The following PLCH2 variants were observed in gnomAD, a reference collection of about 807,000 sequenced individuals.
The protein encoded by PLCH2 is phospholipase C eta 2.
Under a neutral mutation model 134.7 loss-of-function variants are expected in PLCH2, and 98 were observed. That is an observed-to-expected ratio of 0.73 (90% confidence interval 0.62 to 0.86). PLCH2 has a LOEUF of 0.86. PLCH2 is among the 40% of genes least tolerant of loss of function. The pLI is 0.00. For missense variants in PLCH2, 1,994 were observed against 1,986.6 expected (o/e 1.00, Z -0.07); for synonymous variants, 974 against 827.5 (o/e 1.18, Z -3.04).
At position 2,439,130 on chromosome 1, in the gene PLCH2, G is replaced by A. The variant is rs1639571524; in HGVS notation, c.115+8501G>A. The stretch of plus-strand genomic sequence containing the variant: ...TTTCAAGGCAGGATACCATGTCTCT[G>A]GGGACCCTGGGCAGGTGCCTTTCTC... On this transcript the variant is annotated intron_variant, in intron 2 of 3. Coordinates refer to the PLCH2 transcript ENST00000609981. This position sits in a 1 kb window ranked among gnomAD's most constrained non-coding sequence, Gnocchi z 4.7. Among the ~76,000 whole-genome samples the A allele has an allele frequency of 6.6e-6, 1 of 152,208 alleles. No homozygotes were observed. The highest frequency in any genetic ancestry group is 6.5e-5 in the Admixed American group (1 of 15,292).
At chr1:2,443,637 T>C (rs1429833390) in intron 2 of PLCH2, among the ~76,000 whole-genome samples, 1 of 149,886 alleles carries the variant, frequency 6.7e-6, no homozygotes, top group Non-Finnish European at 1.5e-5. Flanking sequence ...CTCGCCCGGT[T>C]GCGCCCGATC....
intron 2 of PLCH2, among the ~76,000 whole-genome samples, chr1:2,453,890 C>T (rs1304215580): frequency 2.6e-5 from 4 of 152,104 alleles, no homozygotes; most frequent in Admixed American, 6.5e-5. Flanking sequence ...GCTGGAGGGG[C>T]CTGGCCTGCG....
chr1:2,502,338 T>C lies in PLCH2; in HGVS notation c.2888T>C (p.Val963Ala). Residue 963 changes from valine (V) to alanine (A), a missense_variant, in exon 21 of 22, where the codon GTG (valine) becomes GCG (alanine). Physicochemically the swap from Val to Ala is moderately conservative, Grantham distance 64. Coordinates refer to ENST00000378486, the MANE Select transcript of PLCH2 (RefSeq NM_014638.4). ...DTGSKGVADDVVPPGPGPAPE... is the reference protein window; with the variant it reads ...DTGSKGVADDAVPPGPGPAPE... Reference sequence around the variant, plus strand: ...GGCTCCAAGGGGGTGGCAGACGATGTGGTGCCCCCCGGGCCCGGACCTGCT... The same window carrying C: ...GGCTCCAAGGGGGTGGCAGACGATGCGGTGCCCCCCGGGCCCGGACCTGCT... The C allele has an allele frequency of 1.3e-6, 2 of 1,536,084 alleles. No individual in the cohort carries two copies. Among genetic ancestry groups the C allele is most frequent in the South Asian group, 2.4e-5 (2 of 82,438 alleles).
At chr1:2,458,972 C>T (rs1046829601) in intron 2 of PLCH2, among the ~76,000 whole-genome samples, 16 of 151,866 alleles carry the variant, frequency 1.1e-4, no homozygotes, top group African/African-American at 3.2e-4. Context: ...TGGGCCACGC[C>T]GGTCTTGCAG....
intron 2 of PLCH2, among the ~76,000 whole-genome samples, chr1:2,443,595 A>AGCCCCGGCGTGC (rs1553240682): frequency 2.4e-4 from 36 of 150,382 alleles, no homozygotes; most frequent in Non-Finnish European, 5.1e-4. Flanking sequence ...CGGGCCGGCT[A>AGCCCCGGCGTGC]GCCCCGCGCC....
At chr1:2,437,480 AG>A (rs932855049) in intron 2 of PLCH2, among the ~76,000 whole-genome samples, 3 of 152,048 alleles carry the variant, frequency 2.0e-5, no homozygotes, top group Non-Finnish European at 4.4e-5. Flanking sequence ...CACCGCAACT[AG>A]GGGGCCCAGA....
At chr1:2,435,800 C>G (rs1298155300) in intron 2 of PLCH2, among the ~76,000 whole-genome samples, 1 of 142,742 alleles carries the variant, frequency 7.0e-6, no homozygotes, top group Non-Finnish European at 1.5e-5. Context: ...TCAGCTCAGT[C>G]TGGAGTGAGC....
In PLCH2 at chr1:2,486,999, TG is replaced by T; in HGVS notation, c.910+1del. ...NKSKGLLGIDGFTNYTRSPAG... is the reference protein window; with the variant it reads ...NKSKGLLGIDXFTNYTRSPAG... ...AGAGTAAGGGGCTGCTGGGCATTGATGGTGAGTGGGGCGCTGCCCTCAGCCC... is the reference window on the plus strand; with the variant it reads ...AGAGTAAGGGGCTGCTGGGCATTGATGTGAGTGGGGCGCTGCCCTCAGCCC... On this transcript the variant is annotated frameshift_variant and splice_region_variant, in exon 6 of 22. Coordinates refer to ENST00000378486, the MANE Select transcript of PLCH2 (RefSeq NM_014638.4). LOFTEE classifies it high-confidence loss of function. The T allele has an allele frequency of 6.3e-7, 1 of 1,593,536 alleles. No homozygotes were observed. The highest frequency in any genetic ancestry group is 8.5e-7 in the Non-Finnish European group (1 of 1,170,586).
upstream of PLCH2, among the ~76,000 whole-genome samples, chr1:2,466,909 C>T (rs558162669): frequency 2.6e-5 from 4 of 152,256 alleles, no homozygotes; most frequent in Non-Finnish European, 5.9e-5. Context: ...CAGCCGTCAC[C>T]GTCACCATCA....
At chr1:2,425,529 C>A (rs1298755528), upstream of PLCH2, among the ~76,000 whole-genome samples, 1 of 152,098 alleles carries the variant, frequency 6.6e-6, no homozygotes, top group Non-Finnish European at 1.5e-5. Context: ...AGGTGGCAGG[C>A]TTTAGACAGG....
rs1299683267 is a variant in PLCH2, at chr1:2,483,854, T to TG, written c.646-590dup. Among the ~76,000 whole-genome samples the TG allele has an allele frequency of 7.4e-5, 8 of 108,766 alleles. 1 individual carries two copies. Among genetic ancestry groups the TG allele is most frequent in the South Asian group, 6.3e-4 (2 of 3,176 alleles). The allele number at this position is 108,766 out of a possible 152,430, so 71.4% of individuals were successfully genotyped here. A position where few individuals can be genotyped will look rare whatever the true frequency, so the allele number is the denominator to read the frequency against. ...TGTGGGGGTGGCGCTGACCCCCGTG[T>TG]GGGGTGGCGCTGACCCCCGTGTGGG... On this transcript the variant is annotated intron_variant, in intron 4 of 21. Coordinates refer to ENST00000378486, the MANE Select transcript of PLCH2 (RefSeq NM_014638.4).
chr1:2,427,192 C>T (rs1638839221), intron 1 of PLCH2, among the ~76,000 whole-genome samples: 2 of 152,170 alleles, frequency 1.3e-5, no homozygotes, highest in Admixed American at 1.3e-4. Context: ...GGCTAGGGGC[C>T]CACCGGGTGG....
At chr1:2,478,353 C>A in intron 1 of PLCH2, 123 bp from the exon 2 acceptor site, 1 of 1,222,028 alleles carries the variant, frequency 8.2e-7, no homozygotes, top group Non-Finnish European at 1.2e-6. Context: ...TGAGGAGTGG[C>A]CGTGCCTCCG....
chr1:2,472,410 A>T (rs1337187779), upstream of PLCH2, among the ~76,000 whole-genome samples: 2 of 152,180 alleles, frequency 1.3e-5, no homozygotes, highest in African/African-American at 4.8e-5. Context: ...CCTTGGGGGC[A>T]GCACGGGAGG....
In PLCH2 at chr1:2,504,475, C is replaced by A; in HGVS notation, c.3513C>A (p.Asn1171Lys). ...PSLGLGRSRE[N>K]LAGAHMGRLP... ...TGGGCCTGGGCCGCAGCCGTGAGAACCTCGCTGGAGCCCACATGGGACGCC... is the reference window on the plus strand; with the variant it reads ...TGGGCCTGGGCCGCAGCCGTGAGAAACTCGCTGGAGCCCACATGGGACGCC... The change falls in exon 22 of 22, where the codon AAC becomes AAA. Residue 1171 changes from asparagine (N) to lysine (K), a missense_variant. Asn to Lys is a moderately conservative substitution (Grantham distance 94). This residue lies in a region of PLCH2 where 900 missense variants were observed against 752.3 expected (regional missense o/e 1.20). Coordinates refer to ENST00000378486, the MANE Select transcript of PLCH2 (RefSeq NM_014638.4). 6.2e-7 allele frequency: 1 copy of A among 1,612,432 alleles called. No individual in the cohort carries two copies. The highest frequency in any genetic ancestry group is 8.5e-7 in the Non-Finnish European group (1 of 1,179,718).
At chr1:2,482,270 T>A (rs1161340340) in intron 4 of PLCH2, among the ~76,000 whole-genome samples, 1 of 152,226 alleles carries the variant, frequency 6.6e-6, no homozygotes, top group East Asian at 1.9e-4. Context: ...GGGGGCCGCA[T>A]CTCTGCCCAG....
upstream of PLCH2, among the ~76,000 whole-genome samples, chr1:2,464,803 G>C (rs1438325567): frequency 6.6e-6 from 1 of 152,234 alleles, no homozygotes; most frequent in Non-Finnish European, 1.5e-5. Context: ...ATGAGATGGA[G>C]ACACTGCGGA....
At chr1:2,455,364 C>T (rs1640439585) in intron 2 of PLCH2, among the ~76,000 whole-genome samples, 1 of 152,178 alleles carries the variant, frequency 6.6e-6, no homozygotes, top group Non-Finnish European at 1.5e-5. Flanking sequence ...CTCGGCCCTG[C>T]CAGGCCCCCT....
chr1:2,490,153 G>A (rs932124164), intron 10 of PLCH2, among the ~76,000 whole-genome samples: 4 of 152,086 alleles, frequency 2.6e-5, no homozygotes, highest in Non-Finnish European at 2.9e-5. Context: ...CTCAGTAAGT[G>A]GGGGCAGCAC....
Sources: gnomAD v4.1 joint callset for allele counts (sites outside exome capture counted in the v4.1 genomes callset) on GRCh38, gnomAD v4.1.1 for gene constraint, gnomAD v4.1.1 regional missense constraint, Gnocchi (gnomAD v3.1) non-coding constraint, MANE v1.5 for transcripts, NCBI Gene and HGNC (gene_info 2026-07-23, HGNC 2026-07-21) for gene names.